Variants in SRGAP2 observed in about 807,000 individuals in gnomAD.
SRGAP2 encodes the protein SLIT-ROBO Rho GTPase activating protein 2.
A neutral mutation model predicts 57.2 loss-of-function variants in SRGAP2; 15 were observed. The observed-to-expected ratio is 0.26, with a 90% CI of 0.18 to 0.40. The LOEUF is 0.40. Ranked by LOEUF, SRGAP2 falls within the 10% of genes least tolerant of loss-of-function variation. SRGAP2 has a pLI of 1.00. For synonymous variants in SRGAP2, 249 were observed against 248.0 expected (o/e 1.00, Z -0.04); for missense variants, 520 against 669.6 (o/e 0.78, Z 2.47).
intron 2 of SRGAP2, chr1:206,206,364 T>A (rs1553301217): frequency 4.0e-6 from 1 of 252,522 alleles, no homozygotes; most frequent in Non-Finnish European, 7.5e-6. Flanking sequence ...CCTCCGGTTC[T>A]CTGGGTCAGG....
Position 206,265,809 on chromosome 1 carries a change from T to G in SRGAP2, c.68-37472T>G, listed in dbSNP as rs575947513. Among the ~76,000 whole-genome samples, 656 of 150,810 alleles carry G rather than the reference T, an allele frequency of 4.3e-3. 8 individuals carry two copies. The highest frequency in any genetic ancestry group is 0.015 in the African/African-American group (626 of 41,118). Reference sequence around the variant, plus strand: ...TATTTTTCATAAAGTGAACGTGTTTTTTTCTCTCCAGCTTAATTTTTAAAC... The same window carrying G: ...TATTTTTCATAAAGTGAACGTGTTTGTTTCTCTCCAGCTTAATTTTTAAAC... On this transcript the variant is annotated intron_variant, in intron 2 of 22. Coordinates refer to ENST00000573034, the MANE Select transcript of SRGAP2 (RefSeq NM_015326.5).
chr1:206,325,349 C>G lies in SRGAP2; in HGVS notation c.261-17497C>G, dbSNP rs147196890. On this transcript the variant is annotated intron_variant, in intron 3 of 22. Transcript: ENST00000573034. ...AGATTTTCTACTTTGTTCTGTTATT[C>G]TTTTTTTTTGTTGAGATGGGGTCTC... Among the ~76,000 whole-genome samples the G allele has an allele frequency of 1.6e-4, 25 of 151,616 alleles. No homozygotes were observed. The East Asian group carries it at 3.7e-3, about 22-fold the overall frequency.
intron 2 of SRGAP2, 83 bp downstream of exon 2, chr1:206,206,120 C>G: frequency 1.4e-6 from 1 of 729,508 alleles, no homozygotes; most frequent in Non-Finnish European, 2.3e-6. Flanking sequence ...GCAGGTTGTT[C>G]ATTTCTTTGG....
chr1:206,342,345 A>G (rs1482373771), intron 3 of SRGAP2, among the ~76,000 whole-genome samples: 7 of 152,032 alleles, frequency 4.6e-5, no homozygotes, highest in Non-Finnish European at 1.0e-4. Context: ...GGCTAAAATG[A>G]TGGACTTCAG....
rs782449652 is a variant in SRGAP2 at position 206,440,040 on chromosome 1, C to G, written c.1833C>G (p.Thr611=). 5.1e-6 allele frequency: 4 copies of G among 780,792 alleles called. No individual in the cohort carries two copies. The highest frequency in any genetic ancestry group is 9.6e-6 in the Non-Finnish European group (4 of 417,984). 48.4% of individuals were successfully genotyped at this position (780,792 alleles called of 1,614,324 possible). The change falls in exon 17 of 23, where the codon ACC becomes ACG. Residue 611 remains threonine (T), a synonymous_variant. Transcript: ENST00000573034. ...AAGTCCTCCTAGTCCTGCCCAAAAC[C>G]ACTCTGATTATCATGAGATACCTCT... ...IRKVLLVLPK[T]TLIIMRYLFA... is the part of the protein sequence containing the mutation.
In SRGAP2 at chr1:206,454,101, CTG is replaced by C. The variant is rs1553377330; in HGVS notation, c.2360+723_2360+724del. On this transcript the variant is annotated intron_variant, in intron 20 of 22. Coordinates refer to ENST00000573034, the MANE Select transcript of SRGAP2 (RefSeq NM_015326.5). The surrounding 1 kb of genome is among the most constrained non-coding windows in gnomAD (Gnocchi z 4.3). ...CAGCTCCCCTCCCTTGGATACGATG[CTG>C]TCAGTGTTTTTAGTCCTTCCCTTAA... 1 of 702,316 alleles carries C rather than the reference CTG, an allele frequency of 1.4e-6. No individual in the cohort carries two copies. Among genetic ancestry groups the C allele is most frequent in the South Asian group, 1.5e-5 (1 of 67,522 alleles). 43.5% of individuals were successfully genotyped at this position (702,316 alleles called of 1,614,324 possible). A position where few individuals can be genotyped will look rare whatever the true frequency, so the allele number is the denominator to read the frequency against.
intron 22 of SRGAP2, among the ~76,000 whole-genome samples, chr1:206,460,746 A>G (rs534245291): frequency 3.9e-5 from 6 of 152,146 alleles, no homozygotes; most frequent in Non-Finnish European, 7.4e-5. Context: ...ACTAGATTAT[A>G]TGTCACTTCG....
At position 206,339,124 on chromosome 1, in the gene SRGAP2, A is replaced by G. The variant is rs564610404; in HGVS notation, c.261-3722A>G. On this transcript the variant is annotated intron_variant, in intron 3 of 22. Transcript: ENST00000573034. Reference sequence around the variant, plus strand: ...TTGATTTAGATGGAAAAAAGAAGATATTTTTGTTTTAAAGTTGAGTCACTA... The same window carrying G: ...TTGATTTAGATGGAAAAAAGAAGATGTTTTTGTTTTAAAGTTGAGTCACTA... 7.2e-4 allele frequency among the ~76,000 whole-genome samples: 109 copies of G among 150,404 alleles called. 1 individual carries two copies. The highest frequency in any genetic ancestry group is 3.4e-3 in the Middle Eastern group (1 of 290).
chr1:206,386,634 A>C (rs1656289094), intron 5 of SRGAP2, among the ~76,000 whole-genome samples: 1 of 116,432 alleles, frequency 8.6e-6, no homozygotes. Context: ...TGTCTCTACT[A>C]AAAATACAAA....
At chr1:206,243,347 A>G in intron 2 of SRGAP2, among the ~76,000 whole-genome samples, 1 of 147,824 alleles carries the variant, frequency 6.8e-6, no homozygotes, top group Non-Finnish European at 1.5e-5. Context: ...ATTTGCATTT[A>G]CCTTGGAGAA....
intron 2 of SRGAP2, among the ~76,000 whole-genome samples, chr1:206,236,917 C>G (rs1667940892): frequency 8.0e-6 from 1 of 124,468 alleles, no homozygotes; most frequent in Non-Finnish European, 1.6e-5. Context: ...GAGACAGGGT[C>G]TCTCTATTAT....
intron 4 of SRGAP2, among the ~76,000 whole-genome samples, chr1:206,363,914 A>C (rs1280204686): frequency 6.6e-6 from 1 of 152,280 alleles, no homozygotes; most frequent in East Asian, 1.9e-4. Flanking sequence ...GATACTATGT[A>C]AATATCCTAT....
At chr1:206,217,886 GTCTT>G (rs1210481596) in intron 2 of SRGAP2, among the ~76,000 whole-genome samples, 1 of 146,996 alleles carries the variant, frequency 6.8e-6, no homozygotes, top group Non-Finnish European at 1.5e-5. Context: ...TGTTTTAAAT[GTCTT>G]TCTGTTACAT....
At chr1:206,437,853 G>A (rs1661909701) in intron 15 of SRGAP2, 111 bp from the exon 16 acceptor site, 4 of 719,284 alleles carry the variant, frequency 5.6e-6, no homozygotes, top group East Asian at 4.9e-5. Flanking sequence ...CGGGCAGAAA[G>A]CTGATGGATT....
chr1:206,327,442 C>T (rs1200597633), intron 3 of SRGAP2, among the ~76,000 whole-genome samples: 1 of 145,982 alleles, frequency 6.9e-6, no homozygotes, highest in Non-Finnish European at 1.5e-5. Context: ...AGACATGATT[C>T]TAGTCACTTT....
At chr1:206,453,712 A>G (rs1663553771) in intron 20 of SRGAP2, 1 of 251,652 alleles carries the variant, frequency 4.0e-6, no homozygotes, top group Admixed American at 5.4e-5. Flanking sequence ...GACCACCTAT[A>G]TTTCTTTTCT....
intron 2 of SRGAP2, among the ~76,000 whole-genome samples, chr1:206,229,934 AC>A (rs1667523097): frequency 8.7e-6 from 1 of 114,768 alleles, no homozygotes; most frequent in Non-Finnish European, 1.9e-5. Flanking sequence ...ACATACATAC[AC>A]ACACACACAC....
chr1:206,249,808 A>T (rs1202022854), intron 2 of SRGAP2, among the ~76,000 whole-genome samples: 4 of 151,240 alleles, frequency 2.6e-5, no homozygotes, highest in Non-Finnish European at 4.4e-5. Context: ...TGCATAAAAT[A>T]TACCCCACTT....
At chr1:206,437,348 G>A (rs1466179323) in intron 15 of SRGAP2, among the ~76,000 whole-genome samples, 1 of 152,220 alleles carries the variant, frequency 6.6e-6, no homozygotes, top group African/African-American at 2.4e-5. Context: ...ACCCTTGGTA[G>A]CAGTTAATAT....
Sources: gnomAD v4.1 joint callset for allele counts (sites outside exome capture counted in the v4.1 genomes callset) on GRCh38, gnomAD v4.1.1 for gene constraint, Gnocchi (gnomAD v3.1) non-coding constraint, MANE v1.5 for transcripts, NCBI Gene and HGNC (gene_info 2026-07-23, HGNC 2026-07-21) for gene names.